ABCB4: variants seen among roughly 807,000 people sequenced by gnomAD.
The protein encoded by ABCB4 is ATP binding cassette subfamily B member 4, also known as phosphatidylcholine translocator ABCB4.
Under a neutral mutation model 145.7 loss-of-function variants are expected in ABCB4, and 76 were observed. That is an observed-to-expected ratio of 0.52 (90% CI 0.43 to 0.63). The LOEUF (loss-of-function observed/expected upper bound fraction) is 0.63. Among genes scored for constraint, ABCB4 ranks in the 30% least tolerant of loss-of-function variants. ABCB4 has a pLI of 0.00. For missense variants in ABCB4, 1,234 were observed against 1,553.1 expected, an observed-to-expected ratio of 0.79 and a Z score of 3.45; for synonymous variants, 517 against 566.8, an observed-to-expected ratio of 0.91 and a Z score of 1.25.
chr7:87,451,692 T>G lies in ABCB4; in HGVS notation c.639A>C (p.Gly213=). The G allele has an allele frequency of 2.5e-6, 4 of 1,614,152 alleles. No homozygotes were observed. The highest frequency in any genetic ancestry group is 3.4e-6 in the Non-Finnish European group (4 of 1,180,020). Residue 213 remains glycine (G), a synonymous_variant, in exon 7 of 28, where the codon GGA becomes GGC. Coordinates refer to ENST00000649586, the MANE Select transcript of ABCB4 (RefSeq NM_000443.4). ...FAGFIVGFIR[G]WKLTLVIMAI... is the part of the protein sequence containing the mutation. ...CCATTATCACAAGGGTGAGCTTCCA[T>G]CCTCTGATGAATCCCACTATGAATC...
At chr7:87,464,092 C>G (rs1218559938) in intron 3 of ABCB4, among the ~76,000 whole-genome samples, 1 of 152,038 alleles carries the variant, frequency 6.6e-6, no homozygotes, top group African/African-American at 2.4e-5. Context: ...GGACAAAGAA[C>G]AGTTATTGGG....
At chr7:87,451,571 G>C in intron 7 of ABCB4, 52 bp downstream of exon 7, 2 of 1,601,170 alleles carry the variant, frequency 1.2e-6, no homozygotes, top group Non-Finnish European at 8.6e-7. Context: ...GCATATTAAA[G>C]ATTACTGTGT....
At chr7:87,406,236 G>T in intron 26 of ABCB4, 52 bp downstream of exon 26, 1 of 1,569,142 alleles carries the variant, frequency 6.4e-7, no homozygotes, top group Non-Finnish European at 8.8e-7. Context: ...TTTGGTAATT[G>T]TTTGGGGGAT....
chr7:87,440,595 T>C lies in ABCB4; in HGVS notation c.1357-193A>G, dbSNP rs571415336. On this transcript the variant is annotated intron_variant, in intron 12 of 27. Transcript: ENST00000649586. ...CTCTCCTGATATTTATTTTCATATA[T>C]ACAGTTTTTTCGTGGAAGGATTATT... is the stretch of plus-strand genomic sequence containing the variant. Among the ~76,000 whole-genome samples, 442 of 152,312 alleles carry C rather than the reference T, an allele frequency of 2.9e-3. 1 individual carries two copies. The highest frequency in any genetic ancestry group is 4.8e-3 in the Non-Finnish European group (326 of 68,028).
At chr7:87,440,917 T>C (rs985900975) in intron 12 of ABCB4, among the ~76,000 whole-genome samples, 2 of 152,268 alleles carry the variant, frequency 1.3e-5, no homozygotes, top group Non-Finnish European at 2.9e-5. Context: ...ATTTTCTGTA[T>C]TTTTAGTAGA....
At chr7:87,418,855 G>A (rs911116798) in intron 19 of ABCB4, among the ~76,000 whole-genome samples, 1 of 152,160 alleles carries the variant, frequency 6.6e-6, no homozygotes, top group African/African-American at 2.4e-5. Flanking sequence ...GGCTCACCCA[G>A]ATGGCTGCCA....
chr7:87,403,328 A>G, intron 26 of ABCB4, 47 bp from the exon 27 acceptor site: 4 of 1,527,948 alleles, frequency 2.6e-6, no homozygotes, highest in Middle Eastern at 1.8e-4. Context: ...CTGTTGCTTA[A>G]CAGTTGACAG....
the ABCB4 span, among the ~76,000 whole-genome samples, chr7:87,380,707 G>C: frequency 6.6e-6 from 1 of 152,128 alleles, no homozygotes; most frequent in Non-Finnish European, 1.5e-5. Flanking sequence ...TTAGGAGATG[G>C]GTGCTTAGAA....
intron 2 of ABCB4, among the ~76,000 whole-genome samples, chr7:87,473,063 A>G (rs1248545655): frequency 6.6e-6 from 1 of 152,220 alleles, no homozygotes; most frequent in African/African-American, 2.4e-5. Flanking sequence ...TGTTGGTGAT[A>G]CATTCAAAGT....
At chr7:87,417,605 G>T (rs1253075892) in intron 20 of ABCB4, 90 bp from the exon 21 acceptor site, 34 of 1,035,692 alleles carry the variant, frequency 3.3e-5, no homozygotes, top group Non-Finnish European at 4.8e-5. Flanking sequence ...TGATGAGTGG[G>T]TTCTATGCCT....
chr7:87,403,067 A>G, intron 27 of ABCB4, 68 bp downstream of exon 27: 1 of 1,549,234 alleles, frequency 6.5e-7, no homozygotes, highest in Non-Finnish European at 8.9e-7. Flanking sequence ...TGTTTTTTTC[A>G]TGGTTGACAG....
At chr7:87,451,186 A>G (rs184931731) in intron 7 of ABCB4, among the ~76,000 whole-genome samples, 146 of 148,920 alleles carry the variant, frequency 9.8e-4, no homozygotes, top group African/African-American at 3.6e-3. Flanking sequence ...CCCAAGCTGG[A>G]GTGAAGTGGC....
Position 87,462,952 on chromosome 7 carries a change from T to C in ABCB4, c.136-44A>G, listed in dbSNP as rs751403708. 8 of 1,540,184 alleles carry C rather than the reference T, an allele frequency of 5.2e-6. No individual in the cohort carries two copies. The South Asian group carries it at 9.1e-5, about 18-fold the overall frequency. The stretch of plus-strand genomic sequence containing the variant: ...ATAATACTTAGCTGTGGAATGGAAT[T>C]TCTCCTCTTCCATAATTATATATTC... On this transcript the variant is annotated intron_variant, in intron 3 of 27. Coordinates refer to ENST00000649586, the MANE Select transcript of ABCB4 (RefSeq NM_000443.4).
the ABCB4 span, among the ~76,000 whole-genome samples, chr7:87,375,056 A>AG: frequency 6.6e-6 from 1 of 152,038 alleles, no homozygotes; most frequent in Non-Finnish European, 1.5e-5. Context: ...AATACTGTGG[A>AG]GGGGGAGTAG....
intron 4 of ABCB4, among the ~76,000 whole-genome samples, chr7:87,455,680 G>C (rs1215946111): frequency 6.6e-6 from 1 of 152,038 alleles, no homozygotes; most frequent in African/African-American, 2.4e-5. Context: ...CAAAATAATA[G>C]GATAAAATAT....
At chr7:87,439,055 T>A (rs1810799195) in intron 14 of ABCB4, among the ~76,000 whole-genome samples, 1 of 152,196 alleles carries the variant, frequency 6.6e-6, no homozygotes, top group African/African-American at 2.4e-5. Context: ...TTAATACAGA[T>A]GACATCAGCA....
Position 87,402,171 on chromosome 7 carries a change from C to T in ABCB4, c.3765G>A (p.Thr1255=), listed in dbSNP as rs1176145576. 6.8e-6 allele frequency: 11 copies of T among 1,613,954 alleles called. No homozygotes were observed. Among genetic ancestry groups the T allele is most frequent in the African/African-American group, 1.3e-5 (1 of 74,908 alleles). The change falls in exon 28 of 28, where the codon ACG becomes ACA. Residue 1255 remains threonine (T), a synonymous_variant. Transcript: ENST00000649586. ...CTTTCTGTGCCAGCAGCTGCTGATGCGTGCCATGCTCCTTGACTCTCCCAT... is the reference window on the plus strand; with the variant it reads ...CTTTCTGTGCCAGCAGCTGCTGATGTGTGCCATGCTCCTTGACTCTCCCAT... ...FQNGRVKEHG[T]HQQLLAQKGI... is the part of the protein sequence containing the mutation.
chr7:87,381,395 A>T, the ABCB4 span, among the ~76,000 whole-genome samples: 1 of 152,180 alleles, frequency 6.6e-6, no homozygotes, highest in East Asian at 1.9e-4. Flanking sequence ...TAAACTGAGA[A>T]TTATCACATT....
chr7:87,379,823 T>C, the ABCB4 span, among the ~76,000 whole-genome samples: 2 of 152,136 alleles, frequency 1.3e-5, no homozygotes, highest in Non-Finnish European at 2.9e-5. Context: ...GTGAAATACA[T>C]ATGCTGTAGG....
Sources: gnomAD v4.1 joint callset for allele counts (sites outside exome capture counted in the v4.1 genomes callset) on GRCh38, gnomAD v4.1.1 for gene constraint, MANE v1.5 for transcripts, NCBI Gene and HGNC (gene_info 2026-07-23, HGNC 2026-07-21) for gene names.